Variants in DDHD2 observed in about 807,000 individuals in gnomAD.
DDHD2 encodes the protein triacylglycerol hydrolase DDHD2.
Under a neutral mutation model 91.2 loss-of-function variants are expected in DDHD2, and 62 were observed. The observed-to-expected ratio is 0.68, with a 90% CI of 0.55 to 0.84. The LOEUF is 0.84. Among genes scored for constraint, DDHD2 ranks in the 40% least tolerant of loss-of-function variants. The pLI, the probability that DDHD2 is intolerant of heterozygous loss-of-function variation, is 0.00. For missense variants in DDHD2, 740 were observed against 846.9 expected (o/e 0.87, Z 1.57); for synonymous variants, 271 against 293.9 (o/e 0.92, Z 0.80).
chr8:38,253,565 C>T lies in DDHD2; in HGVS notation c.1901C>T (p.Thr634Ile), dbSNP rs768559288. 9 of 1,613,272 alleles carry T rather than the reference C, an allele frequency of 5.6e-6. No individual in the cohort carries two copies. In the African/African-American group the frequency reaches 1.2e-4, roughly 22 times the overall value. ...STSEKPSDVN[T>I]EETSVAVKEE... ...GTTCTTCCATATCCAGATGTTAACA[C>T]AGAAGAGACCTCTGTGGCAGTTAAA... Residue 634 changes from threonine (T) to isoleucine (I), a missense_variant, in exon 16 of 18, where the codon ACA (threonine) becomes ATA (isoleucine). Thr to Ile is a moderately conservative substitution (Grantham distance 89). Around this residue, in one of 2 missense-constraint regions of DDHD2, gnomAD observed 693 missense variants for 764.2 expected, o/e 0.91. Transcript: ENST00000397166.
At chr8:38,235,917 T>C (rs1385093521) in intron 3 of DDHD2, among the ~76,000 whole-genome samples, 1 of 148,508 alleles carries the variant, frequency 6.7e-6, no homozygotes, top group Non-Finnish European at 1.5e-5. Context: ...AAATGCAAAC[T>C]GTATTATGCT....
At chr8:38,269,119 T>C (rs931157068) in intron 1 of DDHD2, 5 of 1,524,482 alleles carry the variant, frequency 3.3e-6, no homozygotes, top group Non-Finnish European at 4.4e-6. Context: ...CCGTGGATCT[T>C]TCTTACAGGA....
chr8:38,261,939 A>G lies in DDHD2; in HGVS notation c.*1366A>G, dbSNP rs1807063468. ...TTATTGTTTATAAATTTTTTTATAA[A>G]TGTTATGGTATTCAAAGCCACTGAC... On this transcript the variant is annotated 3_prime_UTR_variant, in exon 18 of 18. Transcript: ENST00000397166. 6.6e-6 allele frequency: 1 copy of G among 152,176 alleles called. No homozygotes were observed. The allele number at this position is 152,176 out of a possible 1,614,324, so 9.4% of individuals were successfully genotyped here.
downstream of DDHD2, chr8:38,267,613 G>A: frequency 1.6e-6 from 1 of 635,014 alleles, no homozygotes; most frequent in South Asian, 2.1e-5. Flanking sequence ...TACTTTTTAG[G>A]GCAAACAGCA....
intron 6 of DDHD2, 96 bp downstream of exon 6, chr8:38,240,460 G>A (rs1012989289): frequency 5.6e-6 from 5 of 885,176 alleles, no homozygotes; most frequent in African/African-American, 3.3e-5. Flanking sequence ...TGCATAAGAA[G>A]ATTTGGAGAG....
chr8:38,260,014 C>G, intron 16 of DDHD2, 26 bp from the exon 17 acceptor site: 1 of 1,485,926 alleles, frequency 6.7e-7, no homozygotes, highest in Non-Finnish European at 9.4e-7. Flanking sequence ...AGTTCCTTTT[C>G]TCAACATAAT....
At chr8:38,272,861 C>T (rs1279430425), downstream of DDHD2, 2 of 152,142 alleles carry the variant, frequency 1.3e-5, no homozygotes, top group Non-Finnish European at 2.9e-5. Context: ...CTCATGCACA[C>T]ATAAAGGACA....
chr8:38,258,897 T>C (rs1806743498), intron 16 of DDHD2, among the ~76,000 whole-genome samples: 1 of 152,204 alleles, frequency 6.6e-6, no homozygotes, highest in South Asian at 2.1e-4. Context: ...TGAGTGTTAA[T>C]CTTTTTAAAT....
At chr8:38,256,315 A>T (rs550593010) in intron 16 of DDHD2, among the ~76,000 whole-genome samples, 78 of 151,872 alleles carry the variant, frequency 5.1e-4, no homozygotes, top group Middle Eastern at 3.4e-3. Flanking sequence ...TTATTTATTT[A>T]TTTTTTTGAG....
At chr8:38,266,475 A>C, downstream of DDHD2, 3 of 630,622 alleles carry the variant, frequency 4.8e-6, no homozygotes, top group South Asian at 2.1e-5. Context: ...ATCTCGGCTC[A>C]CTGCAACCTC....
At chr8:38,267,497 C>T, downstream of DDHD2, 1 of 1,367,290 alleles carries the variant, frequency 7.3e-7, no homozygotes, top group Non-Finnish European at 1.0e-6. Flanking sequence ...AAATAGTGCC[C>T]CAGGCAAAAT....
rs1317227283 is a variant in DDHD2, at chr8:38,250,571, GTAT to G, written c.1344+774_1344+776del. 9.9e-5 allele frequency: 15 copies of G among 152,036 alleles called. 1 individual carries two copies. Among genetic ancestry groups the G allele is most frequent in the African/African-American group, 3.6e-4 (15 of 41,400 alleles). 9.4% of individuals were successfully genotyped at this position (152,036 alleles called of 1,614,324 possible). Reference sequence around the variant, plus strand: ...CCCTTCTTTTTTTACATCCTTAAAAGTATTATTAGCTTCAGAAGTCTTCTCTCC... The same window carrying G: ...CCCTTCTTTTTTTACATCCTTAAAAGTATTAGCTTCAGAAGTCTTCTCTCC... On this transcript the variant is annotated intron_variant, in intron 11 of 17. Transcript: ENST00000397166.
chr8:38,254,516 G>T (rs1806358238), intron 16 of DDHD2, among the ~76,000 whole-genome samples: 1 of 151,900 alleles, frequency 6.6e-6, no homozygotes, highest in Admixed American at 6.6e-5. Flanking sequence ...TAATAAGTAG[G>T]ATGACCGTTG....
chr8:38,246,366 T>A, intron 9 of DDHD2, 66 bp downstream of exon 9: 1 of 1,295,900 alleles, frequency 7.7e-7, no homozygotes, highest in Non-Finnish European at 1.1e-6. Flanking sequence ...GATTTTAGAC[T>A]TATTTTTTGT....
At position 38,253,073 on chromosome 8, in the gene DDHD2, G is replaced by C; in HGVS notation, c.1837G>C (p.Glu613Gln). 1 of 1,614,110 alleles carries C rather than the reference G, an allele frequency of 6.2e-7. No individual in the cohort carries two copies. Among genetic ancestry groups the C allele is most frequent in the Non-Finnish European group, 8.5e-7 (1 of 1,180,020 alleles). ...TCCATACCCTGCCTTACAAGCTTCAGAAACACCAGAAGAAACTGAAGCAGA... is the reference window on the plus strand; with the variant it reads ...TCCATACCCTGCCTTACAAGCTTCACAAACACCAGAAGAAACTGAAGCAGA... ...RAPYPALQASETPEETEAEPE... is the reference protein window; with the variant it reads ...RAPYPALQASQTPEETEAEPE... Residue 613 changes from glutamate to glutamine, a missense_variant, in exon 15 of 18, where the codon GAA becomes CAA. This residue lies in a region of DDHD2 where 693 missense variants were observed against 764.2 expected (regional missense o/e 0.91). Transcript: ENST00000397166.
At chr8:38,267,171 C>G (rs779894545), downstream of DDHD2, 52 of 1,604,254 alleles carry the variant, frequency 3.2e-5, no homozygotes, top group East Asian at 1.2e-3. Context: ...ATTGTAGAAA[C>G]AAGAGTAGTC....
Position 38,238,199 on chromosome 8 carries a change from C to T in DDHD2, c.612C>T (p.Asp204=), listed in dbSNP as rs2130772829. The change falls in exon 5 of 18, where the codon GAC becomes GAT. Residue 204 remains aspartate (D), a synonymous_variant. Coordinates refer to ENST00000397166, the MANE Select transcript of DDHD2 (RefSeq NM_015214.3). ...VKRGVENISV[D]IHCGEPLQID... is the part of the protein sequence containing the mutation. ...GAGGAGTTGAGAACATCTCTGTTGA[C>T]ATTCATTGTGGTAATGTTAATCGTT... 1 of 1,613,830 alleles carries T rather than the reference C, an allele frequency of 6.2e-7. No individual in the cohort carries two copies. The highest frequency in any genetic ancestry group is 8.5e-7 in the Non-Finnish European group (1 of 1,179,776).
At chr8:38,259,324 G>A (rs1022511597) in intron 16 of DDHD2, among the ~76,000 whole-genome samples, 5 of 150,572 alleles carry the variant, frequency 3.3e-5, no homozygotes, top group East Asian at 1.9e-4. Context: ...CGGTTCAAGC[G>A]ATTCTCCTGC....
At chr8:38,246,202 G>C in intron 8 of DDHD2, 31 bp from the exon 9 acceptor site, 1 of 1,513,276 alleles carries the variant, frequency 6.6e-7, no homozygotes. Context: ...CTAATGCTTA[G>C]AAATTGTCCC....
Sources: gnomAD v4.1 joint callset for allele counts (sites outside exome capture counted in the v4.1 genomes callset) on GRCh38, gnomAD v4.1.1 for gene constraint, gnomAD v4.1.1 regional missense constraint, MANE v1.5 for transcripts, NCBI Gene and HGNC (gene_info 2026-07-23, HGNC 2026-07-21) for gene names.